The following PITX1 variants were observed in gnomAD, a reference collection of about 807,000 sequenced individuals.
The protein encoded by PITX1 is paired like homeodomain 1.
Under a neutral mutation model 24.1 loss-of-function variants are expected in PITX1, and 5 were observed. That is an observed-to-expected ratio of 0.21 (90% confidence interval 0.11 to 0.44). The LOEUF is 0.44. Among genes scored for constraint, PITX1 ranks in the 20% least tolerant of loss-of-function variants. PITX1 has a pLI of 0.99. For missense variants in PITX1, 401 were observed against 455.4 expected (o/e 0.88, Z 1.09); for synonymous variants, 213 against 208.9 (o/e 1.02, Z -0.17).
Position 135,034,052 on chromosome 5 carries a change from C to T in PITX1, c.-171G>A, listed in dbSNP as rs1018049970. The T allele has an allele frequency of 8.6e-6, 2 of 232,726 alleles. No homozygotes were observed. Among genetic ancestry groups the T allele is most frequent in the African/African-American group, 2.3e-5 (1 of 43,024 alleles). The allele number at this position is 232,726 out of a possible 1,614,324, so 14.4% of individuals were successfully genotyped here. A position where few individuals can be genotyped will look rare whatever the true frequency, so the allele number is the denominator to read the frequency against. On this transcript the variant is annotated 5_prime_UTR_variant, in exon 1 of 3. Coordinates refer to ENST00000265340, the MANE Select transcript of PITX1 (RefSeq NM_002653.5). Reference sequence around the variant, plus strand: ...CATGGACCGCCCGGGGCTGCGGCGCCGGGCGGGCAGAGGCGGCGGCAGCTT... The same window carrying T: ...CATGGACCGCCCGGGGCTGCGGCGCTGGGCGGGCAGAGGCGGCGGCAGCTT...
At position 135,033,835 on chromosome 5, in the gene PITX1, C is replaced by G; in HGVS notation, c.47G>C (p.Gly16Ala). 1 of 1,520,594 alleles carries G rather than the reference C, an allele frequency of 6.6e-7. No individual in the cohort carries two copies. 94.2% of individuals were successfully genotyped at this position (1,520,594 alleles called of 1,614,324 possible). A position where few individuals can be genotyped will look rare whatever the true frequency, so the allele number is the denominator to read the frequency against. ...GGMSLERLPE[G>A]LRPPPPPPHD... ...GGGTGGCGGCGGCGGCGGCCGGAGC[C>G]CCTCCGGCAGCCGCTCCAGGCTCAT... Residue 16 changes from glycine to alanine, a missense_variant, in exon 1 of 3, where the codon GGG (glycine) becomes GCG (alanine). Around this residue, in one of 3 missense-constraint regions of PITX1, gnomAD observed 136 missense variants for 133.3 expected, o/e 1.02. Transcript: ENST00000265340. The surrounding 1 kb of genome is among the most constrained non-coding windows in gnomAD (Gnocchi z 5.9).
At chr5:135,030,041 CT>C (rs1419560652) in intron 2 of PITX1, among the ~76,000 whole-genome samples, 3 of 152,140 alleles carry the variant, frequency 2.0e-5, no homozygotes, top group Non-Finnish European at 2.9e-5. Flanking sequence ...TTCCTGCCGC[CT>C]AAATATATGC....
In PITX1 at chr5:135,028,959, C is replaced by T. The variant is rs750256759; in HGVS notation, c.765G>A (p.Ser255=). 41 of 1,613,954 alleles carry T rather than the reference C, an allele frequency of 2.5e-5. No homozygotes were observed. Among genetic ancestry groups the T allele is most frequent in the Non-Finnish European group, 3.2e-5 (38 of 1,180,002 alleles). ...ACGGGCAAGCGCCCGGCGACATGGC[C>T]GAGTTGAGCGAGGAGCCGGTGAGGT... ...INNLTGSSLN[S]AMSPGACPYG... The change falls in exon 3 of 3, where the codon TCG becomes TCA. Residue 255 remains serine (S), a synonymous_variant. Coordinates refer to ENST00000265340, the MANE Select transcript of PITX1 (RefSeq NM_002653.5).
At position 135,034,002 on chromosome 5, in the gene PITX1, G is replaced by T. The variant is rs894677963; in HGVS notation, c.-121C>A. On this transcript the variant is annotated 5_prime_UTR_variant, in exon 1 of 3. Transcript: ENST00000265340. ...GCGGCTGCCCTCCAGGGCTGCCGGC[G>T]CCTGCAGCGACGCCGTGCCCGCCCC... The T allele has an allele frequency of 1.8e-6, 1 of 541,622 alleles. No homozygotes were observed. Among genetic ancestry groups the T allele is most frequent in the Non-Finnish European group, 2.6e-6 (1 of 378,682 alleles). The allele number at this position is 541,622 out of a possible 1,614,324, so 33.6% of individuals were successfully genotyped here.
chr5:135,029,380 C>CTTCCCCACCCT, intron 2 of PITX1, 59 bp from the exon 3 acceptor site: 3 of 1,408,176 alleles, frequency 2.1e-6, no homozygotes, highest in African/African-American at 1.4e-5. Flanking sequence ...GACCCCACCC[C>CTTCCCCACCCT]CTTCCCCACC....
chr5:135,031,829 TTTTG>T (rs1204988805), intron 1 of PITX1: 43 of 471,114 alleles, frequency 9.1e-5, no homozygotes, highest in African/African-American at 3.3e-4. Flanking sequence ...AATGTATGCT[TTTTG>T]TTTGTTTGTT....
At position 135,029,130 on chromosome 5, in the gene PITX1, G is replaced by A; in HGVS notation, c.594C>T (p.Ser198=). The A allele has an allele frequency of 1.2e-6, 2 of 1,614,266 alleles. No individual in the cohort carries two copies. The highest frequency in any genetic ancestry group is 1.1e-5 in the South Asian group (1 of 91,090). ...GGCTCATGGAGTTGAAGAAGGTGAA[G>A]CTCTTGGTGGAGAGCGGCGCTGGCG... ...SLAPAPLSTK[S]FTFFNSMSPL... Residue 198 remains serine (S), a synonymous_variant, in exon 3 of 3, where the codon AGC becomes AGT. Coordinates refer to ENST00000265340, the MANE Select transcript of PITX1 (RefSeq NM_002653.5).
intron 1 of PITX1, among the ~76,000 whole-genome samples, chr5:135,032,441 A>G (rs192341509): frequency 1.3e-5 from 2 of 152,364 alleles, no homozygotes; most frequent in East Asian, 3.9e-4. Context: ...TAATTTTTAA[A>G]TCCCAGAGAA....
chr5:135,031,169 G>T (rs577445118), intron 2 of PITX1, 107 bp downstream of exon 2: 4 of 831,902 alleles, frequency 4.8e-6, no homozygotes, highest in Non-Finnish European at 8.0e-6. Context: ...GGTCTGAATG[G>T]TGGGAGAGTG....
chr5:135,031,668 T>C, intron 1 of PITX1, 160 bp from the exon 2 acceptor site: 1 of 624,596 alleles, frequency 1.6e-6, no homozygotes, highest in Non-Finnish European at 2.7e-6. Flanking sequence ...GCCCGCCGGG[T>C]GCTGGTCGTC....
chr5:135,033,038 A>T lies in PITX1; in HGVS notation c.169+675T>A, dbSNP rs1485617332. On this transcript the variant is annotated intron_variant, in intron 1 of 2. Coordinates refer to ENST00000265340, the MANE Select transcript of PITX1 (RefSeq NM_002653.5). This position sits in a 1 kb window ranked among gnomAD's most constrained non-coding sequence, Gnocchi z 5.9. ...AAAAAGCTCCAGCTCGGACAAAAAAAGGCAGCGCGGAGGGAGACGCGCAGG... is the reference window on the plus strand; with the variant it reads ...AAAAAGCTCCAGCTCGGACAAAAAATGGCAGCGCGGAGGGAGACGCGCAGG... 2.3e-6 allele frequency: 1 copy of T among 436,256 alleles called. No individual in the cohort carries two copies. The highest frequency in any genetic ancestry group is 7.5e-5 in the East Asian group (1 of 13,376). 27.0% of individuals were successfully genotyped at this position (436,256 alleles called of 1,614,324 possible). A position where few individuals can be genotyped will look rare whatever the true frequency, so the allele number is the denominator to read the frequency against.
chr5:135,029,335 C>A lies in PITX1; in HGVS notation c.403-14G>T, dbSNP rs1423538828. ...CTTGAACCAGACCTGGGGGAGGGGA[C>A]GGGAGAAGGGTCAGGGCCGCTGCGG... On this transcript the variant is annotated splice_polypyrimidine_tract_variant and intron_variant, in intron 2 of 2. Coordinates refer to ENST00000265340, the MANE Select transcript of PITX1 (RefSeq NM_002653.5). The A allele has an allele frequency of 1.9e-6, 3 of 1,579,564 alleles. No individual in the cohort carries two copies. Among genetic ancestry groups the A allele is most frequent in the African/African-American group, 1.3e-5 (1 of 74,260 alleles).
chr5:135,034,029 T>A lies in PITX1; in HGVS notation c.-148A>T. 3.1e-6 allele frequency: 1 copy of A among 322,188 alleles called. No homozygotes were observed. The highest frequency in any genetic ancestry group is 5.1e-6 in the Non-Finnish European group (1 of 194,980). 20.0% of individuals were successfully genotyped at this position (322,188 alleles called of 1,614,324 possible). On this transcript the variant is annotated 5_prime_UTR_variant, in exon 1 of 3. It removes an upstream start codon present in the reference 5' UTR. Transcript: ENST00000265340. The stretch of plus-strand genomic sequence containing the variant: ...CTGCAGCGACGCCGTGCCCGCCCCA[T>A]GGACCGCCCGGGGCTGCGGCGCCGG...
chr5:135,033,802 A>C lies in PITX1; in HGVS notation c.80T>G (p.Met27Arg). The stretch of plus-strand genomic sequence containing the variant: ...CCGGGCCAGGTGGAAGGCGGGCCCC[A>C]TGTCATGGGGTGGCGGCGGCGGCGG... ...LRPPPPPPHD[M>R]GPAFHLARPA... is the part of the protein sequence containing the mutation. Residue 27 changes from methionine to arginine, a missense_variant, in exon 1 of 3, where the codon ATG (methionine) becomes AGG (arginine). Physicochemically the swap from Met to Arg is moderately conservative, Grantham distance 91 (BLOSUM62 -1). This residue lies in a region of PITX1 where 136 missense variants were observed against 133.3 expected (regional missense o/e 1.02). Transcript: ENST00000265340. The surrounding 1 kb of genome is among the most constrained non-coding windows in gnomAD (Gnocchi z 5.9). 2.5e-6 allele frequency: 4 copies of C among 1,575,168 alleles called. No homozygotes were observed. Among genetic ancestry groups the C allele is most frequent in the South Asian group, 1.1e-5 (1 of 88,082 alleles).
At chr5:135,029,915 C>G (rs1375823825) in intron 2 of PITX1, among the ~76,000 whole-genome samples, 1 of 152,146 alleles carries the variant, frequency 6.6e-6, no homozygotes, top group Non-Finnish European at 1.5e-5. Context: ...CCTTTTGAAT[C>G]GTCCTCAAAT....
rs1259757322 is a variant in PITX1 at position 135,031,489 on chromosome 5, T to C, written c.189A>G (p.Glu63=). The part of the protein sequence containing the change: ...TELPEKERGG[E]PKGPEDSGAG... Reference sequence around the variant, plus strand: ...CACCACTGTCCTCGGGCCCCTTGGGTTCCCCGCCGCGCTCCTTCTCTGCAG... The same window carrying C: ...CACCACTGTCCTCGGGCCCCTTGGGCTCCCCGCCGCGCTCCTTCTCTGCAG... Residue 63 remains glutamate, a synonymous_variant, in exon 2 of 3, where the codon GAA becomes GAG. Transcript: ENST00000265340. 2 of 1,611,812 alleles carry C rather than the reference T, an allele frequency of 1.2e-6. No individual in the cohort carries two copies. The highest frequency in any genetic ancestry group is 2.2e-5 in the East Asian group (1 of 44,838).
At position 135,029,256 on chromosome 5, in the gene PITX1, G is replaced by C. The variant is rs1279414350; in HGVS notation, c.468C>G (p.Cys156Trp). Residue 156 changes from cysteine (C) to tryptophan (W), a missense_variant, in exon 3 of 3, where the codon TGC becomes TGG. Cys to Trp is a radical substitution (Grantham distance 215). This residue lies in a region of PITX1 where 48 missense variants were observed against 102.2 expected (regional missense o/e 0.47). Coordinates refer to ENST00000265340, the MANE Select transcript of PITX1 (RefSeq NM_002653.5). ...TGAACTGCGGCACGTAGCCACCCTT[G>C]CACAGGTCCAGCTGCTGGTTACGCT... ...KRERNQQLDL[C>W]KGGYVPQFSG... 6.2e-7 allele frequency: 1 copy of C among 1,612,550 alleles called. No individual in the cohort carries two copies. Among genetic ancestry groups the C allele is most frequent in the Non-Finnish European group, 8.5e-7 (1 of 1,179,072 alleles).
In PITX1 at chr5:135,028,830, G is replaced by A. The variant is rs1476739343; in HGVS notation, c.894C>T (p.Gly298=). 1.2e-6 allele frequency: 2 copies of A among 1,612,860 alleles called. No individual in the cohort carries two copies. The highest frequency in any genetic ancestry group is 1.3e-5 in the African/African-American group (1 of 74,924). Residue 298 remains glycine (G), a synonymous_variant, in exon 3 of 3, where the codon GGC becomes GGT. Transcript: ENST00000265340. ...KSKQHSSFGY[G]GLQGPASGLN... ...GGCCCGAGGCCGGGCCCTGCAGGCC[G>A]CCGTAGCCAAACGACGAGTGCTGTT...
Position 135,033,089 on chromosome 5 carries a change from C to G in PITX1, c.169+624G>C, listed in dbSNP as rs1315973714. The G allele has an allele frequency of 2.4e-6, 1 of 412,466 alleles. No individual in the cohort carries two copies. Among genetic ancestry groups the G allele is most frequent in the East Asian group, 8.2e-5 (1 of 12,222 alleles). The allele number at this position is 412,466 out of a possible 1,614,324, so 25.6% of individuals were successfully genotyped here. A position where few individuals can be genotyped will look rare whatever the true frequency, so the allele number is the denominator to read the frequency against. Reference sequence around the variant, plus strand: ...AGCCGGGGCGGGGGCCAGAGCCGGGCTGCTCCGGGCTTCGGCCGCGCACGT... The same window carrying G: ...AGCCGGGGCGGGGGCCAGAGCCGGGGTGCTCCGGGCTTCGGCCGCGCACGT... On this transcript the variant is annotated intron_variant, in intron 1 of 2. Transcript: ENST00000265340. The surrounding 1 kb of genome is among the most constrained non-coding windows in gnomAD (Gnocchi z 5.9).
Sources: gnomAD v4.1 joint callset for allele counts (sites outside exome capture counted in the v4.1 genomes callset) on GRCh38, gnomAD v4.1.1 for gene constraint, gnomAD v4.1.1 regional missense constraint, Gnocchi (gnomAD v3.1) non-coding constraint, MANE v1.5 for transcripts, NCBI Gene and HGNC (gene_info 2026-07-23, HGNC 2026-07-21) for gene names.